Variants in FANCA observed in about 807,000 individuals in gnomAD.
FANCA encodes the protein FA complementation group A, also known as Fanconi anemia group A protein.
Under a neutral mutation model 194.3 loss-of-function variants are expected in FANCA, and 236 were observed. The ratio of observed to expected loss-of-function variants is 1.21; its 90% CI spans 1.09 to 1.35. The LOEUF (loss-of-function observed/expected upper bound fraction) is 1.35. FANCA is among the 40% of genes most tolerant of loss of function. The pLI is 0.00. For synonymous variants in FANCA, 1,014 were observed against 715.8 expected (o/e 1.42, Z -6.65); for missense variants, 2,628 against 1,813.9 (o/e 1.45, Z -8.15).
intron 1 of FANCA, 194 bp downstream of exon 1, chr16:89,816,343 T>C (rs2041124141): frequency 3.4e-6 from 1 of 294,124 alleles, no homozygotes; most frequent in Non-Finnish European, 6.1e-6. Flanking sequence ...GCTGGGGGCG[T>C]CCGCCCAGGC....
In FANCA at chr16:89,804,861, G is replaced by A. The variant is rs867936793; in HGVS notation, c.709+419C>T. Among the ~76,000 whole-genome samples, 7 of 151,928 alleles carry A rather than the reference G, an allele frequency of 4.6e-5. 1 individual carries two copies. The highest frequency in any genetic ancestry group is 6.8e-3 in the Middle Eastern group (2 of 294). On this transcript the variant is annotated intron_variant, in intron 7 of 42. Transcript: ENST00000389301. ...AGCCTGGCCAACCTAATGAAACCCC[G>A]TCTCTACTAAAAATACAAAAAAAAA...
At chr16:89,761,432 A>AG (rs1232732325) in intron 29 of FANCA, among the ~76,000 whole-genome samples, 1 of 151,572 alleles carries the variant, frequency 6.6e-6, no homozygotes, top group East Asian at 1.9e-4. Flanking sequence ...AAAAAAAAAA[A>AG]AAAAAGAAAA....
chr16:89,799,147 G>C lies in FANCA; in HGVS notation c.893+19C>G, dbSNP rs377406711. On this transcript the variant is annotated intron_variant, in intron 10 of 42. Transcript: ENST00000389301. ...ACCTCCCTGCTGCACACTCAGGCAGGCCACCCTCAGGAACATACCAGCACC... is the reference window on the plus strand; with the variant it reads ...ACCTCCCTGCTGCACACTCAGGCAGCCCACCCTCAGGAACATACCAGCACC... 152 of 1,614,130 alleles carry C rather than the reference G, an allele frequency of 9.4e-5. No homozygotes were observed. The African/African-American group carries it at 1.8e-3, about 19-fold the overall frequency.
Position 89,779,874 on chromosome 16 carries a change from C to G in FANCA, c.1710G>C (p.Glu570Asp), listed in dbSNP as rs17226344. ...HTGNIPVTVM[E>D]ASIFRRPYYV... Reference sequence around the variant, plus strand: ...TTTTCGGCAGCCCAGCCTACCTGGCCTCCATGACGGTGACTGGGATGTTCC... The same window carrying G: ...TTTTCGGCAGCCCAGCCTACCTGGCGTCCATGACGGTGACTGGGATGTTCC... Residue 570 changes from glutamate (E) to aspartate (D), a missense_variant, in exon 18 of 43, where the codon GAG becomes GAC. Glu to Asp is a conservative substitution (Grantham distance 45). Transcript: ENST00000389301. The G allele has an allele frequency of 6.2e-7, 1 of 1,613,646 alleles. No individual in the cohort carries two copies. The highest frequency in any genetic ancestry group is 1.1e-5 in the South Asian group (1 of 91,060).
rs748263867 is a variant in FANCA at position 89,811,011 on chromosome 16, C to A, written c.344G>T (p.Gly115Val). 1.2e-6 allele frequency: 2 copies of A among 1,613,930 alleles called. No homozygotes were observed. Among genetic ancestry groups the A allele is most frequent in the African/African-American group, 2.7e-5 (2 of 74,926 alleles). Reference sequence around the variant, plus strand: ...CTGTCCCACGCTAGAGGCAACCATCCCGGCTGAGAGAATACCCACGGGAAC... The same window carrying A: ...CTGTCCCACGCTAGAGGCAACCATCACGGCTGAGAGAATACCCACGGGAAC... The part of the protein sequence containing the change: ...LGVPVGILSA[G>V]MVASSVGQIC... The change falls in exon 4 of 43, where the codon GGG becomes GTG. Residue 115 changes from glycine (G) to valine (V), a missense_variant. Physicochemically the swap from Gly to Val is moderately radical, Grantham distance 109. Transcript: ENST00000389301.
intron 5 of FANCA, among the ~76,000 whole-genome samples, chr16:89,808,727 G>A (rs929688675): frequency 5.9e-5 from 9 of 152,180 alleles, no homozygotes; most frequent in Admixed American, 4.6e-4. Flanking sequence ...CTGGCTCCTC[G>A]AAGCTGCCAG....
At chr16:89,808,600 G>A (rs1308953601) in intron 5 of FANCA, among the ~76,000 whole-genome samples, 2 of 152,094 alleles carry the variant, frequency 1.3e-5, no homozygotes, top group African/African-American at 4.8e-5. Context: ...CCCAACACTT[G>A]CTTCTCTTCC....
At chr16:89,786,418 G>A (rs2039900451) in intron 14 of FANCA, among the ~76,000 whole-genome samples, 1 of 152,078 alleles carries the variant, frequency 6.6e-6, no homozygotes, top group South Asian at 2.1e-4. Flanking sequence ...CCTGACCTCA[G>A]GTGATACCTT....
Position 89,791,515 on chromosome 16 carries a change from G to T in FANCA, c.1247C>A (p.Ala416Asp), listed in dbSNP as rs750689577. 4 of 1,613,990 alleles carry T rather than the reference G, an allele frequency of 2.5e-6. No homozygotes were observed. Among genetic ancestry groups the T allele is most frequent in the Non-Finnish European group, 3.4e-6 (4 of 1,180,030 alleles). The change falls in exon 14 of 43, where the codon GCC becomes GAC. Residue 416 changes from alanine (A) to aspartate (D), a missense_variant. Coordinates refer to ENST00000389301, the MANE Select transcript of FANCA (RefSeq NM_000135.4). ...CAGCTGGCAGCTCTCGAATGCCTGG[G>T]CCATCAAACGCGCCACCCAGTCTAG... The part of the protein sequence containing the change: ...LLEDWVARLM[A>D]QAFESCQLDS...
chr16:89,783,499 C>A (rs1198645601), intron 15 of FANCA, among the ~76,000 whole-genome samples: 12 of 150,376 alleles, frequency 8.0e-5, no homozygotes, highest in Non-Finnish European at 1.5e-5. Flanking sequence ...TGCAGTGAGC[C>A]GAGATCGCGC....
intron 14 of FANCA, among the ~76,000 whole-genome samples, chr16:89,785,392 G>T (rs182884880): frequency 6.6e-6 from 1 of 152,028 alleles, no homozygotes; most frequent in African/African-American, 2.4e-5. Flanking sequence ...TGATTTTGTG[G>T]GATGAAGCCA....
At chr16:89,810,678 G>C (rs772946148) in intron 5 of FANCA, 29 bp downstream of exon 5, 4 of 1,392,284 alleles carry the variant, frequency 2.9e-6, no homozygotes, top group East Asian at 4.6e-5. Flanking sequence ...TGGAACACTG[G>C]AGAGTCAGAT....
intron 10 of FANCA, chr16:89,798,604 C>CCA (rs777908283): frequency 1.0e-5 from 12 of 1,153,896 alleles, no homozygotes; most frequent in Non-Finnish European, 1.3e-5. Context: ...ACCCCGATGT[C>CCA]CACCTTCCAC....
chr16:89,770,693 A>C, intron 23 of FANCA, 59 bp from the exon 24 acceptor site: 1 of 1,446,448 alleles, frequency 6.9e-7, no homozygotes, highest in African/African-American at 1.4e-5. Flanking sequence ...GCAGGAAGGA[A>C]GCCGGCCAGC....
In FANCA at chr16:89,792,496, G is replaced by C. The variant is rs774947213; in HGVS notation, c.1058C>G (p.Pro353Arg). The C allele has an allele frequency of 6.2e-7, 1 of 1,613,488 alleles. No individual in the cohort carries two copies. Among genetic ancestry groups the C allele is most frequent in the Admixed American group, 1.7e-5 (1 of 60,006 alleles). Residue 353 changes from proline (P) to arginine (R), a missense_variant, in exon 12 of 43, where the codon CCT (proline) becomes CGT (arginine). By Grantham distance (103) the Pro-to-Arg change is moderately radical. Transcript: ENST00000389301. The stretch of plus-strand genomic sequence containing the variant: ...CCTGCGGTACAGTGAGGTGAGCAGA[G>C]GGTGTGTCCGCGCAAAGCTCCACTC... ...QREWSFARTH[P>R]LLTSLYRRLF...
At chr16:89,784,428 A>G (rs1388816151) in intron 15 of FANCA, among the ~76,000 whole-genome samples, 1 of 151,366 alleles carries the variant, frequency 6.6e-6, no homozygotes, top group Non-Finnish European at 1.5e-5. Flanking sequence ...AATTAAAAAA[A>G]AAAAAAAAAA....
At position 89,792,001 on chromosome 16, in the gene FANCA, A is replaced by G; in HGVS notation, c.1151T>C (p.Val384Ala). 6.2e-7 allele frequency: 1 copy of G among 1,614,064 alleles called. No homozygotes were observed. The highest frequency in any genetic ancestry group is 8.5e-7 in the Non-Finnish European group (1 of 1,179,990). Reference sequence around the variant, plus strand: ...AAAGGAGAGCACTCTCTGCCAGTGAACCTCCTGCGTTTCCAGAACTTCTTG... The same window carrying G: ...AAAGGAGAGCACTCTCTGCCAGTGAGCCTCCTGCGTTTCCAGAACTTCTTG... The part of the protein sequence containing the change: ...HLQEVLETQE[V>A]HWQRVLSFVS... Residue 384 changes from valine (V) to alanine (A), a missense_variant, in exon 13 of 43, where the codon GTT becomes GCT. Physicochemically the swap from Val to Ala is moderately conservative, Grantham distance 64. Transcript: ENST00000389301.
chr16:89,802,956 G>GT (rs1567645358), intron 8 of FANCA, among the ~76,000 whole-genome samples: 2 of 152,158 alleles, frequency 1.3e-5, no homozygotes, highest in Non-Finnish European at 2.9e-5. Context: ...CTAGACAGAA[G>GT]AAGTAAGTTC....
In FANCA at chr16:89,763,760, C is replaced by T. The variant is rs570227393; in HGVS notation, c.2778+1130G>A. On this transcript the variant is annotated intron_variant, in intron 28 of 42. Coordinates refer to ENST00000389301, the MANE Select transcript of FANCA (RefSeq NM_000135.4). ...GAGACCAGCCTAACATGGTGAAACC[C>T]CATCTCTACTAAAAATACAAAACTT... Among the ~76,000 whole-genome samples the T allele has an allele frequency of 4.2e-4, 63 of 151,692 alleles. No homozygotes were observed. In the South Asian group the frequency reaches 0.012, roughly 30 times the overall value.
Sources: allele counts gnomAD v4.1 joint callset (sites outside exome capture counted in the v4.1 genomes callset), GRCh38; gene constraint gnomAD v4.1.1; transcripts MANE v1.5; gene names NCBI Gene and HGNC (gene_info 2026-07-23, HGNC 2026-07-21).